LRRC7: variants seen among roughly 807,000 people sequenced by gnomAD.
The protein encoded by LRRC7 is leucine rich repeat containing 7.
In LRRC7, 23 loss-of-function variants were observed where a neutral mutation model predicts 175.7. The observed-to-expected ratio is 0.13, with a 90% confidence interval of 0.09 to 0.19. LRRC7 has a LOEUF of 0.19. LRRC7 is among the 10% of genes least tolerant of loss of function. LRRC7 has a pLI of 1.00. For missense variants in LRRC7, 1,354 were observed against 1,904.7 expected, an observed-to-expected ratio of 0.71 and a Z score of 5.38; for synonymous variants, 685 against 680.9, an observed-to-expected ratio of 1.01 and a Z score of -0.09.
chr1:69,906,950 T>C (rs1246793382), intron 7 of LRRC7, among the ~76,000 whole-genome samples: 1 of 152,120 alleles, frequency 6.6e-6, no homozygotes, highest in Non-Finnish European at 1.5e-5. Context: ...CAGTGGTTTG[T>C]AGTTCTCCTT....
intron 15 of LRRC7, 124 bp from the exon 16 acceptor site, chr1:70,020,879 TTC>T (rs1282709467): frequency 1.5e-6 from 1 of 653,578 alleles, no homozygotes; most frequent in Non-Finnish European, 2.2e-6. Context: ...CTTTCTTTTT[TTC>T]TTTCTTTCTT....
intron 8 of LRRC7, among the ~76,000 whole-genome samples, chr1:69,958,760 T>C (rs1469935485): frequency 6.6e-6 from 1 of 152,060 alleles, no homozygotes; most frequent in Non-Finnish European, 1.5e-5. Flanking sequence ...AGACTAATTG[T>C]ATCCCCAATT....
chr1:70,049,074 C>T (rs1051171509), intron 22 of LRRC7, among the ~76,000 whole-genome samples: 3 of 151,994 alleles, frequency 2.0e-5, no homozygotes, highest in African/African-American at 7.3e-5. Flanking sequence ...TGCTAGTTGG[C>T]TTATTGAATT....
chr1:70,056,689 C>T (rs7413084), intron 23 of LRRC7, among the ~76,000 whole-genome samples: 19,507 of 152,124 alleles, frequency 0.13, 1,723 homozygotes, highest in African/African-American at 0.24. Flanking sequence ...CATCTTACAT[C>T]TCATTGACCC....
intron 1 of LRRC7, among the ~76,000 whole-genome samples, chr1:69,621,379 C>T (rs928384897): frequency 6.6e-6 from 1 of 152,092 alleles, no homozygotes; most frequent in Admixed American, 6.6e-5. Flanking sequence ...AATGACTGTT[C>T]CACATCAGAG....
chr1:70,006,790 C>T (rs1656032940), intron 11 of LRRC7, among the ~76,000 whole-genome samples: 2 of 152,154 alleles, frequency 1.3e-5, no homozygotes, highest in South Asian at 4.1e-4. Flanking sequence ...CCCTATCACT[C>T]CCTCCTGAGG....
chr1:70,021,395 A>T (rs960249415), intron 16 of LRRC7: 1 of 266,748 alleles, frequency 3.7e-6, no homozygotes, highest in African/African-American at 2.3e-5. Context: ...GGAAAGTAGA[A>T]AAAAAAATCT....
chr1:69,615,384 T>C (rs979170130), intron 1 of LRRC7, among the ~76,000 whole-genome samples: 1 of 151,988 alleles, frequency 6.6e-6, no homozygotes, highest in Non-Finnish European at 1.5e-5. Flanking sequence ...TTCCTTGTAA[T>C]AGAAGCAGGG....
In LRRC7 at chr1:70,036,633, A is replaced by C. The variant is rs1159778172; in HGVS notation, c.2288+9A>C. 1.3e-6 allele frequency: 2 copies of C among 1,589,178 alleles called. No individual in the cohort carries two copies. Among genetic ancestry groups the C allele is most frequent in the Admixed American group, 1.9e-5 (1 of 53,048 alleles). On this transcript the variant is annotated intron_variant, in intron 20 of 26. Coordinates refer to ENST00000651989, the MANE Select transcript of LRRC7 (RefSeq NM_001370785.2). ...TCTTTGTGGGGTAACAGGTGTGTTT[A>C]GAATTCCCTCCTTTTGTTCCCAAAC...
At chr1:70,114,760 A>G (rs986691082) in intron 26 of LRRC7, among the ~76,000 whole-genome samples, 7 of 152,230 alleles carry the variant, frequency 4.6e-5, no homozygotes, top group African/African-American at 1.7e-4. Context: ...AGTTTTGTTC[A>G]TAATATACAA....
At chr1:70,096,717 A>G (rs949225958) in intron 25 of LRRC7, among the ~76,000 whole-genome samples, 2 of 152,086 alleles carry the variant, frequency 1.3e-5, no homozygotes, top group African/African-American at 4.8e-5. Flanking sequence ...AGACTGAAAA[A>G]AAAAGACCCA....
chr1:69,965,481 A>G (rs1025123867), intron 8 of LRRC7, among the ~76,000 whole-genome samples: 1 of 152,166 alleles, frequency 6.6e-6, no homozygotes, highest in African/African-American at 2.4e-5. Context: ...ATTAATTATA[A>G]ATCAATCACA....
intron 1 of LRRC7, among the ~76,000 whole-genome samples, chr1:69,621,869 A>G (rs917946797): frequency 2.6e-5 from 4 of 152,122 alleles, no homozygotes; most frequent in Admixed American, 2.6e-4. Flanking sequence ...TCTTCATTCT[A>G]TTCAATGCTT....
At chr1:70,030,629 ATTAG>A (rs1658615478) in intron 18 of LRRC7, among the ~76,000 whole-genome samples, 1 of 152,206 alleles carries the variant, frequency 6.6e-6, no homozygotes, top group Non-Finnish European at 1.5e-5. Context: ...AATCATTGTT[ATTAG>A]TTCACACTGC....
chr1:69,739,510 C>T (rs1668478642), intron 2 of LRRC7, among the ~76,000 whole-genome samples: 1 of 152,068 alleles, frequency 6.6e-6, no homozygotes, highest in East Asian at 1.9e-4. Context: ...ACTGTGTAGC[C>T]TCAGAATGAA....
Position 69,919,414 on chromosome 1 carries a change from G to A in LRRC7, c.648-12093G>A, listed in dbSNP as rs570322947. On this transcript the variant is annotated intron_variant, in intron 7 of 26. Transcript: ENST00000651989. Reference sequence around the variant, plus strand: ...GGAAAAGCGCATGAGCCGCCCCTCAGGCCGAGGGTACTACTTCAACCACAT... The same window carrying A: ...GGAAAAGCGCATGAGCCGCCCCTCAAGCCGAGGGTACTACTTCAACCACAT... 9 of 803,652 alleles carry A rather than the reference G, an allele frequency of 1.1e-5. No individual in the cohort carries two copies. The East Asian group carries it at 2.5e-4, about 23-fold the overall frequency. The allele number at this position is 803,652 out of a possible 1,614,324, so 49.8% of individuals were successfully genotyped here.
chr1:70,059,104 A>G (rs1198159942), intron 23 of LRRC7, among the ~76,000 whole-genome samples: 1 of 152,216 alleles, frequency 6.6e-6, no homozygotes, highest in African/African-American at 2.4e-5. Flanking sequence ...AAATCCTAGC[A>G]TTTTAAAATC....
chr1:69,729,157 TGTG>T (rs774713752), intron 2 of LRRC7, among the ~76,000 whole-genome samples: 60 of 151,892 alleles, frequency 4.0e-4, no homozygotes, highest in Admixed American at 9.2e-4. Flanking sequence ...TTCCAAAACA[TGTG>T]GGGATTATGG....
chr1:69,858,081 C>T (rs932513337), intron 7 of LRRC7, among the ~76,000 whole-genome samples: 21 of 152,140 alleles, frequency 1.4e-4, no homozygotes, highest in African/African-American at 4.6e-4. Flanking sequence ...AAACTGGATC[C>T]CTTCCTTACA....
Sources: gnomAD v4.1 joint callset for allele counts (sites outside exome capture counted in the v4.1 genomes callset) on GRCh38, gnomAD v4.1.1 for gene constraint, MANE v1.5 for transcripts, NCBI Gene and HGNC (gene_info 2026-07-23, HGNC 2026-07-21) for gene names.